DNASE2: variants seen among roughly 807,000 people sequenced by gnomAD.
DNASE2 encodes the protein deoxyribonuclease 2, lysosomal, also known as deoxyribonuclease-2-alpha.
DNASE2 carries 26 observed loss-of-function variants against 29.8 expected under a neutral mutation model. The ratio of observed to expected loss-of-function variants is 0.87; its 90% CI spans 0.64 to 1.21. The LOEUF is 1.21. DNASE2 is among the 50% of genes most tolerant of loss of function. The pLI is 0.00. For missense variants in DNASE2, 415 were observed against 455.6 expected (o/e 0.91, Z 0.81); for synonymous variants, 186 against 193.5 (o/e 0.96, Z 0.32).
chr19:12,878,416 G>C lies in DNASE2; in HGVS notation c.675C>G (p.Phe225Leu). ...ITLTSQAGAVFQSFAKFSKFG... is the reference protein window; with the variant it reads ...ITLTSQAGAVLQSFAKFSKFG... ...ATTTGCTGAACTTGGCAAAGCTCTGGAAAACAGCCCCGGCCTGGGATGTGA... is the reference window on the plus strand; with the variant it reads ...ATTTGCTGAACTTGGCAAAGCTCTGCAAAACAGCCCCGGCCTGGGATGTGA... Residue 225 changes from phenylalanine to leucine, a missense_variant, in exon 5 of 6, where the codon TTC (phenylalanine) becomes TTG (leucine). Coordinates refer to ENST00000222219, the MANE Select transcript of DNASE2 (RefSeq NM_001375.3). 1 of 1,613,144 alleles carries C rather than the reference G, an allele frequency of 6.2e-7. No homozygotes were observed. Among genetic ancestry groups the C allele is most frequent in the South Asian group, 1.1e-5 (1 of 91,030 alleles).
At chr19:12,877,412 A>AT (rs539553728) in intron 5 of DNASE2, among the ~76,000 whole-genome samples, 1 of 147,012 alleles carries the variant, frequency 6.8e-6, no homozygotes, top group Admixed American at 6.8e-5. Flanking sequence ...ACTAATTAAA[A>AT]TTTTTTTTGT....
chr19:12,877,918 T>C, intron 5 of DNASE2: 1 of 295,116 alleles, frequency 3.4e-6, no homozygotes, highest in Non-Finnish European at 6.6e-6. Flanking sequence ...TCATTATAGC[T>C]CACTGCAGTC....
At chr19:12,878,207 A>C in intron 5 of DNASE2, 175 bp downstream of exon 5, 1 of 758,004 alleles carries the variant, frequency 1.3e-6, no homozygotes, top group Non-Finnish European at 2.3e-6. Context: ...GGCTCAGGTG[A>C]AGTTATACAT....
chr19:12,876,425 C>T, intron 5 of DNASE2, 62 bp from the exon 6 acceptor site: 2 of 1,580,852 alleles, frequency 1.3e-6, no homozygotes, highest in Non-Finnish European at 1.7e-6. Flanking sequence ...GTCCCTAGTC[C>T]ACTTCCCCTC....
chr19:12,879,132 A>C (rs1970351006), intron 3 of DNASE2, among the ~76,000 whole-genome samples: 1 of 149,376 alleles, frequency 6.7e-6, no homozygotes, highest in Non-Finnish European at 1.5e-5. Context: ...ACAGAGCAAA[A>C]TTTCATCTCA....
chr19:12,880,729 C>A (rs1970370078), intron 3 of DNASE2, 73 bp downstream of exon 3: 2 of 1,592,100 alleles, frequency 1.3e-6, no homozygotes, highest in South Asian at 2.2e-5. Context: ...TCCCCGACCA[C>A]CCCATGCACG....
Position 12,876,117 on chromosome 19 carries a change from T to C in DNASE2, c.956A>G (p.Glu319Gly), listed in dbSNP as rs765337304. 1 of 1,614,076 alleles carries C rather than the reference T, an allele frequency of 6.2e-7. No individual in the cohort carries two copies. The highest frequency in any genetic ancestry group is 8.5e-7 in the Non-Finnish European group (1 of 1,179,956). Reference sequence around the variant, plus strand: ...ACACAGTGTGCCCCCACCCCGTTGCTCCTCTCCCTGGTTCCGATTCATGTC... The same window carrying C: ...ACACAGTGTGCCCCCACCCCGTTGCCCCTCTCCCTGGTTCCGATTCATGTC... ...VGDMNRNQGEEQRGGGTLCAQ... is the reference protein window; with the variant it reads ...VGDMNRNQGEGQRGGGTLCAQ... Residue 319 changes from glutamate (E) to glycine (G), a missense_variant, in exon 6 of 6, where the codon GAG (glutamate) becomes GGG (glycine). Glu to Gly is a moderately conservative substitution (Grantham distance 98). Transcript: ENST00000222219.
rs1444092198 is a variant in DNASE2 at position 12,876,256 on chromosome 19, C to G, written c.817G>C (p.Val273Leu). The change falls in exon 6 of 6, where the codon GTT (valine) becomes CTT (leucine). Residue 273 changes from valine (V) to leucine (L), a missense_variant. Physicochemically the swap from Val to Leu is conservative, Grantham distance 32. Coordinates refer to ENST00000222219, the MANE Select transcript of DNASE2 (RefSeq NM_001375.3). The part of the protein sequence containing the change: ...LPSNCSDIWQ[V>L]LNVNQIAFPG... Reference sequence around the variant, plus strand: ...AAAGCTATCTGGTTCACATTCAGAACCTGCCAGATATCCGAGCAGTTAGAG... The same window carrying G: ...AAAGCTATCTGGTTCACATTCAGAAGCTGCCAGATATCCGAGCAGTTAGAG... 6.2e-7 allele frequency: 1 copy of G among 1,614,156 alleles called. No individual in the cohort carries two copies. Among genetic ancestry groups the G allele is most frequent in the South Asian group, 1.1e-5 (1 of 91,092 alleles).
At chr19:12,878,620 GT>G in intron 4 of DNASE2, 41 bp from the exon 5 acceptor site, 2 of 1,613,974 alleles carry the variant, frequency 1.2e-6, no homozygotes, top group Non-Finnish European at 1.7e-6. Context: ...ATCGTTCCAG[GT>G]TCTGGTCAGT....
intron 3 of DNASE2, 122 bp downstream of exon 3, chr19:12,880,680 T>C: frequency 6.8e-6 from 9 of 1,332,038 alleles, no homozygotes; most frequent in Admixed American, 2.0e-5. Flanking sequence ...AAAAAAAAAG[T>C]TGGGGGGAAT....
At chr19:12,879,679 T>C (rs1319677257) in intron 3 of DNASE2, among the ~76,000 whole-genome samples, 1 of 151,960 alleles carries the variant, frequency 6.6e-6, no homozygotes, top group African/African-American at 2.4e-5. Context: ...TAATGTAAGG[T>C]AGGGAAACAG....
At chr19:12,877,673 G>A (rs960481178) in intron 5 of DNASE2, among the ~76,000 whole-genome samples, 4 of 150,768 alleles carry the variant, frequency 2.7e-5, no homozygotes, top group Admixed American at 6.6e-5. Flanking sequence ...AGCCTCCCGA[G>A]TAACTGGGAC....
intron 3 of DNASE2, among the ~76,000 whole-genome samples, chr19:12,880,067 C>T (rs777444622): frequency 7.7e-5 from 11 of 143,548 alleles, no homozygotes; most frequent in African/African-American, 2.1e-4. Context: ...ATTGCACCAC[C>T]GAACTCCAGC....
At chr19:12,878,626 G>C in intron 4 of DNASE2, 44 bp downstream of exon 4, 1 of 1,613,902 alleles carries the variant, frequency 6.2e-7, no homozygotes, top group Non-Finnish European at 8.5e-7. Flanking sequence ...CCAGGTTCTG[G>C]TCAGTAAACC....
At chr19:12,876,428 T>C in intron 5 of DNASE2, 65 bp from the exon 6 acceptor site, 1 of 1,573,400 alleles carries the variant, frequency 6.4e-7, no homozygotes, top group Non-Finnish European at 8.6e-7. Flanking sequence ...CCTAGTCCAC[T>C]TCCCCTCTCT....
Position 12,881,300 on chromosome 19 carries a change from G to C in DNASE2, c.76C>G (p.Pro26Ala), listed in dbSNP as rs1409518580. The change falls in exon 1 of 6, where the codon CCT becomes GCT. Residue 26 changes from proline to alanine, a missense_variant. Coordinates refer to ENST00000222219, the MANE Select transcript of DNASE2 (RefSeq NM_001375.3). ...CCGCTGCGCACTCACCAGTCTACAG[G>C]CTGCCCGGAGTCCCCGTAGCAGGTC... ...ALTCYGDSGQPVDWFVVYKLP... is the reference protein window; with the variant it reads ...ALTCYGDSGQAVDWFVVYKLP... 1.3e-6 allele frequency: 2 copies of C among 1,573,360 alleles called. No homozygotes were observed. Among genetic ancestry groups the C allele is most frequent in the Admixed American group, 3.8e-5 (2 of 53,210 alleles).
Position 12,878,719 on chromosome 19 carries a change from C to A in DNASE2, c.462G>T (p.Gly154=). ...GAAAAGACACACAGAGCAGGGTCTG[C>A]CCGTAGGTACAGGCGCTATGAGGCC... ...YSWPHSACTY[G]QTLLCVSFPF... Residue 154 remains glycine, a synonymous_variant, in exon 4 of 6, where the codon GGG becomes GGT. Coordinates refer to ENST00000222219, the MANE Select transcript of DNASE2 (RefSeq NM_001375.3). 2 of 1,614,088 alleles carry A rather than the reference C, an allele frequency of 1.2e-6. No individual in the cohort carries two copies. Among genetic ancestry groups the A allele is most frequent in the Non-Finnish European group, 1.7e-6 (2 of 1,180,016 alleles).
At position 12,876,051 on chromosome 19, in the gene DNASE2, A is replaced by G. The variant is rs888889347; in HGVS notation, c.1022T>C (p.Val341Ala). 5.6e-6 allele frequency: 9 copies of G among 1,613,766 alleles called. No homozygotes were observed. Among genetic ancestry groups the G allele is most frequent in the Non-Finnish European group, 7.6e-6 (9 of 1,179,990 alleles). The change falls in exon 6 of 6, where the codon GTG becomes GCG. Residue 341 changes from valine to alanine, a missense_variant. Val to Ala is a moderately conservative substitution (Grantham distance 64). Transcript: ENST00000222219. ...GCCATTACAGGGCTGGTAGTTCTTC[A>G]CCAGCGGCTGGAAGGCTTTCCAGAG... ...PALWKAFQPLVKNYQPCNGMA... is the reference protein window; with the variant it reads ...PALWKAFQPLAKNYQPCNGMA...
chr19:12,876,378 G>T lies in DNASE2; in HGVS notation c.710-15C>A. The stretch of plus-strand genomic sequence containing the variant: ...GGAGTACAGGTCTGCAAAGGATGGA[G>T]AGAGGGCACAGGTAGGGTCAGGGCC... On this transcript the variant is annotated splice_polypyrimidine_tract_variant and intron_variant, in intron 5 of 5. Coordinates refer to ENST00000222219, the MANE Select transcript of DNASE2 (RefSeq NM_001375.3). The T allele has an allele frequency of 6.2e-7, 1 of 1,609,402 alleles. No homozygotes were observed. The highest frequency in any genetic ancestry group is 1.1e-5 in the South Asian group (1 of 91,006).
Sources: gnomAD v4.1 joint callset for allele counts (sites outside exome capture counted in the v4.1 genomes callset) on GRCh38, gnomAD v4.1.1 for gene constraint, MANE v1.5 for transcripts, NCBI Gene and HGNC (gene_info 2026-07-23, HGNC 2026-07-21) for gene names.